Variants in GLMN observed in about 807,000 individuals in gnomAD.
GLMN encodes the protein glomulin.
A neutral mutation model predicts 87.8 loss-of-function variants in GLMN; 75 were observed. The ratio of observed to expected loss-of-function variants is 0.85; its 90% CI spans 0.71 to 1.04. The LOEUF (loss-of-function observed/expected upper bound fraction) is 1.04. Ranked by LOEUF, GLMN falls within the 50% of genes least tolerant of loss-of-function variation. GLMN has a pLI of 0.00. For synonymous variants in GLMN, 206 were observed against 221.6 expected (o/e 0.93, Z 0.63); for missense variants, 588 against 658.8 (o/e 0.89, Z 1.18).
intron 6 of GLMN, among the ~76,000 whole-genome samples, chr1:92,287,722 T>C (rs1009052907): frequency 6.6e-6 from 1 of 152,088 alleles, no homozygotes; most frequent in African/African-American, 2.4e-5. Context: ...TATTATTTTA[T>C]ATTCTATTTT....
chr1:92,273,017 TA>T (rs1338368200), intron 7 of GLMN, among the ~76,000 whole-genome samples: 2 of 152,238 alleles, frequency 1.3e-5, no homozygotes, highest in East Asian at 3.9e-4. Flanking sequence ...CTACAAGAGT[TA>T]AAAGGGAATG....
intron 1 of GLMN, 53 bp downstream of exon 1, chr1:92,298,872 C>G (rs949519657): frequency 1.7e-5 from 7 of 404,262 alleles, no homozygotes; most frequent in Non-Finnish European, 3.1e-5. Flanking sequence ...CGCCGCGGCT[C>G]ACGGCCAACC....
chr1:92,338,497 C>T, the GLMN span, among the ~76,000 whole-genome samples: 1 of 152,276 alleles, frequency 6.6e-6, no homozygotes, highest in East Asian at 1.9e-4. Flanking sequence ...CAACTGTCTA[C>T]ACTGATGATA....
chr1:92,262,483 G>A (rs1655163840), intron 16 of GLMN, among the ~76,000 whole-genome samples: 1 of 152,186 alleles, frequency 6.6e-6, no homozygotes, highest in Non-Finnish European at 1.5e-5. Context: ...TGTCATGTCT[G>A]ATGAGGCAAT....
upstream of GLMN, chr1:92,300,330 T>C: frequency 9.8e-7 from 1 of 1,021,326 alleles, no homozygotes; most frequent in Non-Finnish European, 1.5e-6. Flanking sequence ...TACCTTTTTT[T>C]TTTTAGAGAA....
Position 92,291,454 on chromosome 1 carries a change from T to A in GLMN, c.249A>T (p.Arg83Ser). ...LLCKDKEDSK[R>S]KVYFLIFDLL... is the part of the protein sequence containing the mutation. ...AATCAAAGATCAAAAAATAAACTTT[T>A]CTTTTACTATCCTCTTTATCTTTAC... Residue 83 changes from arginine (R) to serine (S), a missense_variant, in exon 4 of 19, where the codon AGA (arginine) becomes AGT (serine). Physicochemically the swap from Arg to Ser is moderately radical, Grantham distance 110 (BLOSUM62 -1). Coordinates refer to ENST00000370360, the MANE Select transcript of GLMN (RefSeq NM_053274.3). 6 of 1,595,730 alleles carry A rather than the reference T, an allele frequency of 3.8e-6. No individual in the cohort carries two copies. Among genetic ancestry groups the A allele is most frequent in the Non-Finnish European group, 5.2e-6 (6 of 1,163,278 alleles).
chr1:92,332,962 A>T, the GLMN span, among the ~76,000 whole-genome samples: 2 of 152,082 alleles, frequency 1.3e-5, no homozygotes, highest in Non-Finnish European at 2.9e-5. Flanking sequence ...TCAGAGAGAG[A>T]GTCGGTTTGA....
chr1:92,284,150 C>A (rs1333131437), intron 7 of GLMN, among the ~76,000 whole-genome samples: 1 of 152,152 alleles, frequency 6.6e-6, no homozygotes, highest in East Asian at 1.9e-4. Flanking sequence ...CAAAAAAGAG[C>A]CCGTATAGCC....
the GLMN span, among the ~76,000 whole-genome samples, chr1:92,334,105 T>C: frequency 6.6e-6 from 1 of 152,352 alleles, no homozygotes; most frequent in African/African-American, 2.4e-5. Flanking sequence ...TGCATTTTCT[T>C]ATTTTAGCAG....
intron 3 of GLMN, among the ~76,000 whole-genome samples, chr1:92,295,020 T>C (rs1327543703): frequency 6.6e-6 from 1 of 152,252 alleles, no homozygotes; most frequent in Non-Finnish European, 1.5e-5. Context: ...ATCTAAACCT[T>C]TGCATTTAGC....
the GLMN span, among the ~76,000 whole-genome samples, chr1:92,366,995 TG>T: frequency 6.6e-6 from 1 of 152,210 alleles, no homozygotes; most frequent in Non-Finnish European, 1.5e-5. Context: ...AGATAAAATA[TG>T]GGTAAGGTGA....
chr1:92,319,810 C>T, the GLMN span, among the ~76,000 whole-genome samples: 11 of 152,178 alleles, frequency 7.2e-5, no homozygotes, highest in East Asian at 1.5e-3. Context: ...ACCAGCCTGA[C>T]CAACATGGAG....
intron 8 of GLMN, among the ~76,000 whole-genome samples, chr1:92,270,185 C>T (rs1367281439): frequency 6.6e-6 from 1 of 152,174 alleles, no homozygotes; most frequent in Non-Finnish European, 1.5e-5. Context: ...AAGGAGCATC[C>T]AGAACTATGA....
chr1:92,266,835 G>A, intron 11 of GLMN, 94 bp from the exon 12 acceptor site: 2 of 791,282 alleles, frequency 2.5e-6, no homozygotes, highest in Non-Finnish European at 4.3e-6. Flanking sequence ...TAAAAATTCA[G>A]AGAAGTGAGG....
the GLMN span, among the ~76,000 whole-genome samples, chr1:92,331,450 A>G: frequency 2.6e-5 from 4 of 152,102 alleles, no homozygotes; most frequent in Non-Finnish European, 4.4e-5. Context: ...TTGAATCATT[A>G]TTCCATTTTT....
chr1:92,369,855 GAT>G, the GLMN span, among the ~76,000 whole-genome samples: 1 of 152,156 alleles, frequency 6.6e-6, no homozygotes, highest in Non-Finnish European at 1.5e-5. Flanking sequence ...TTCAAAGAAA[GAT>G]AACCTGAAAG....
At chr1:92,282,595 G>T (rs1648202213) in intron 7 of GLMN, among the ~76,000 whole-genome samples, 1 of 152,098 alleles carries the variant, frequency 6.6e-6, no homozygotes, top group Non-Finnish European at 1.5e-5. Context: ...AAATTCAAAA[G>T]CTAGCAGAAG....
the GLMN span, among the ~76,000 whole-genome samples, chr1:92,314,353 T>G: frequency 3.4e-5 from 5 of 148,536 alleles, no homozygotes; most frequent in African/African-American, 4.9e-5. Flanking sequence ...GTTTTTGGGT[T>G]TTTTTTTTTT....
chr1:92,252,984 G>A (rs1399234946), intron 16 of GLMN, among the ~76,000 whole-genome samples: 5 of 152,120 alleles, frequency 3.3e-5, no homozygotes, highest in Admixed American at 3.3e-4. Context: ...AGAACAGTCA[G>A]GAACCCTGCA....
Sources: gnomAD v4.1 joint callset for allele counts (sites outside exome capture counted in the v4.1 genomes callset) on GRCh38, gnomAD v4.1.1 for gene constraint, MANE v1.5 for transcripts, NCBI Gene and HGNC (gene_info 2026-07-23, HGNC 2026-07-21) for gene names.